The following DPP10 variants were observed in gnomAD, a reference collection of about 807,000 sequenced individuals.
DPP10 encodes the protein dipeptidyl peptidase like 10.
DPP10 carries 33 observed loss-of-function variants against 120.9 expected under a neutral mutation model. That is an observed-to-expected ratio of 0.27 (90% CI 0.21 to 0.37). DPP10 has a LOEUF of 0.37. Ranked by LOEUF, DPP10 falls within the 10% of genes least tolerant of loss-of-function variation. DPP10 has a pLI of 1.00. For synonymous variants in DPP10, 337 were observed against 326.1 expected, an observed-to-expected ratio of 1.03 and a Z score of -0.36; for missense variants, 816 against 942.8, an observed-to-expected ratio of 0.87 and a Z score of 1.76.
At chr2:115,513,884 C>T (rs1051529742) in intron 4 of DPP10, among the ~76,000 whole-genome samples, 1 of 151,954 alleles carries the variant, frequency 6.6e-6, no homozygotes, top group Non-Finnish European at 1.5e-5. Context: ...TTTCAAGTGA[C>T]TATTTATTGT....
At chr2:115,188,554 C>A (rs1479353439) in intron 1 of DPP10, among the ~76,000 whole-genome samples, 1 of 152,118 alleles carries the variant, frequency 6.6e-6, no homozygotes, top group Non-Finnish European at 1.5e-5. Context: ...TCATAAAATA[C>A]AATAAACGAA....
intron 1 of DPP10, among the ~76,000 whole-genome samples, chr2:114,763,272 C>T (rs751195003): frequency 2.6e-5 from 4 of 152,108 alleles, no homozygotes; most frequent in African/African-American, 4.8e-5. Flanking sequence ...TTTTGTGTCA[C>T]GCTAAGGGAC....
rs941113400 is a variant in DPP10, at chr2:115,761,442, T to C, written c.1075-1130T>C. Among the ~76,000 whole-genome samples the C allele has an allele frequency of 2.1e-4, 32 of 152,152 alleles. 1 individual carries two copies. Among genetic ancestry groups the C allele is most frequent in the African/African-American group, 7.7e-4 (32 of 41,448 alleles). On this transcript the variant is annotated intron_variant, in intron 11 of 25. Transcript: ENST00000410059. Reference sequence around the variant, plus strand: ...GACACCTTATTGATATTGTATTTTATTCTACGTATGGAGATAAAAAGACTT... The same window carrying C: ...GACACCTTATTGATATTGTATTTTACTCTACGTATGGAGATAAAAAGACTT...
intron 11 of DPP10, 27 bp downstream of exon 11, chr2:115,753,324 G>A: frequency 1.3e-6 from 2 of 1,576,816 alleles, no homozygotes; most frequent in Non-Finnish European, 1.7e-6. Context: ...TTTCTTTTAT[G>A]CCTAAAATGA....
Position 115,548,628 on chromosome 2 carries a change from C to G in DPP10, c.441+22656C>G, listed in dbSNP as rs184541254. Among the ~76,000 whole-genome samples the G allele has an allele frequency of 6.6e-5, 10 of 152,212 alleles. No homozygotes were observed. The East Asian group carries it at 1.7e-3, about 26-fold the overall frequency. On this transcript the variant is annotated intron_variant, in intron 5 of 25. Coordinates refer to ENST00000410059, the MANE Select transcript of DPP10 (RefSeq NM_020868.6). ...AAAGACTCAGAAAAAGATACAGTTCCTTGCCTCCATGAATTTACCATCTAA... is the reference window on the plus strand; with the variant it reads ...AAAGACTCAGAAAAAGATACAGTTCGTTGCCTCCATGAATTTACCATCTAA...
intron 1 of DPP10, among the ~76,000 whole-genome samples, chr2:114,857,190 A>G (rs1182286399): frequency 6.6e-6 from 1 of 152,230 alleles, no homozygotes; most frequent in African/African-American, 2.4e-5. Context: ...TAGTGCATCC[A>G]ATAGAGCTTC....
intron 1 of DPP10, among the ~76,000 whole-genome samples, chr2:114,957,309 T>G (rs1338762552): frequency 6.6e-6 from 1 of 151,874 alleles, no homozygotes; most frequent in Non-Finnish European, 1.5e-5. Flanking sequence ...ATATATTTTG[T>G]AATATATATT....
intron 1 of DPP10, among the ~76,000 whole-genome samples, chr2:115,288,904 C>T (rs2060521059): frequency 6.6e-6 from 1 of 152,106 alleles, no homozygotes; most frequent in Non-Finnish European, 1.5e-5. Context: ...TGCTCTCTTT[C>T]CCTACTTCTA....
chr2:114,625,943 T>C (rs1005738962), intron 1 of DPP10, among the ~76,000 whole-genome samples: 1 of 151,888 alleles, frequency 6.6e-6, no homozygotes, highest in Non-Finnish European at 1.5e-5. Flanking sequence ...TGCTTATTGC[T>C]ATTGGGTTGT....
chr2:115,230,038 C>A (rs776146547), intron 1 of DPP10, among the ~76,000 whole-genome samples: 1 of 151,810 alleles, frequency 6.6e-6, no homozygotes, highest in Non-Finnish European at 1.5e-5. Flanking sequence ...AATATTGATT[C>A]TTCGAGCCCA....
intron 1 of DPP10, among the ~76,000 whole-genome samples, chr2:115,064,118 G>T (rs546977134): frequency 6.6e-6 from 1 of 151,872 alleles, no homozygotes; most frequent in Admixed American, 6.6e-5. Context: ...TGGGATTGTT[G>T]TTCATTTGTT....
Position 115,397,270 on chromosome 2 carries a change from TAAC to T in DPP10, c.271+53361_271+53363del, listed in dbSNP as rs949001314. On this transcript the variant is annotated intron_variant, in intron 3 of 25. Coordinates refer to ENST00000410059, the MANE Select transcript of DPP10 (RefSeq NM_020868.6). ...GAAACAAATCTGACTGGACTAATAA[TAAC>T]AAGTTAATAAACTCACTGTGAACAA... Among the ~76,000 whole-genome samples, 16 of 152,350 alleles carry T rather than the reference TAAC, an allele frequency of 1.1e-4. 1 individual carries two copies. The highest frequency in any genetic ancestry group is 9.8e-4 in the Admixed American group (15 of 15,302).
At chr2:114,753,647 C>A (rs1203859335) in intron 1 of DPP10, among the ~76,000 whole-genome samples, 1 of 152,036 alleles carries the variant, frequency 6.6e-6, no homozygotes, top group African/African-American at 2.4e-5. Context: ...CGGTGGCTCA[C>A]GCCTGTAATC....
intron 9 of DPP10, among the ~76,000 whole-genome samples, chr2:115,740,572 A>T (rs1223792497): frequency 6.6e-6 from 1 of 152,132 alleles, no homozygotes. Flanking sequence ...GTATGGAGTC[A>T]TAGCCATGGT....
At chr2:115,765,505 G>C (rs1461405568) in intron 12 of DPP10, among the ~76,000 whole-genome samples, 2 of 152,058 alleles carry the variant, frequency 1.3e-5, no homozygotes, top group African/African-American at 4.8e-5. Flanking sequence ...AGTGAAGGAA[G>C]CCAACAAGTT....
chr2:115,528,009 G>A (rs1410421375), intron 5 of DPP10, among the ~76,000 whole-genome samples: 1 of 152,060 alleles, frequency 6.6e-6, no homozygotes, highest in Non-Finnish European at 1.5e-5. Flanking sequence ...GCTATTGTGA[G>A]TTATGCCACA....
chr2:115,274,339 A>C (rs2059821788), intron 1 of DPP10, among the ~76,000 whole-genome samples: 1 of 152,224 alleles, frequency 6.6e-6, no homozygotes, highest in Admixed American at 6.5e-5. Context: ...CTGCAGAATT[A>C]GCCATACTTT....
chr2:115,639,276 A>G (rs2086589894), intron 5 of DPP10, among the ~76,000 whole-genome samples: 1 of 152,180 alleles, frequency 6.6e-6, no homozygotes, highest in Admixed American at 6.5e-5. Context: ...CTTCTGGCCA[A>G]TTCTAATGTA....
intron 12 of DPP10, among the ~76,000 whole-genome samples, chr2:115,764,167 T>G (rs553706186): frequency 6.6e-5 from 10 of 152,234 alleles, no homozygotes; most frequent in African/African-American, 2.4e-4. Context: ...AGGATGTTTT[T>G]TACTTCTAAT....
Sources: allele counts gnomAD v4.1 joint callset (sites outside exome capture counted in the v4.1 genomes callset), GRCh38; gene constraint gnomAD v4.1.1; transcripts MANE v1.5; gene names NCBI Gene and HGNC (gene_info 2026-07-23, HGNC 2026-07-21).